Variants in PRKCI observed in about 807,000 individuals in gnomAD.
PRKCI encodes the protein protein kinase C iota type.
In PRKCI, 43 loss-of-function variants were observed where a neutral mutation model predicts 84.0. The ratio of observed to expected loss-of-function variants is 0.51; its 90% CI spans 0.40 to 0.66. PRKCI has a LOEUF of 0.66. Ranked by LOEUF, PRKCI falls within the 30% of genes least tolerant of loss-of-function variation. The pLI is 0.00. For missense variants in PRKCI, 459 were observed against 745.6 expected (o/e 0.62, Z 4.48); for synonymous variants, 216 against 234.4 (o/e 0.92, Z 0.72).
intron 9 of PRKCI, among the ~76,000 whole-genome samples, chr3:170,280,863 A>T (rs1265944012): frequency 6.6e-6 from 1 of 152,160 alleles, no homozygotes; most frequent in South Asian, 2.1e-4. Flanking sequence ...TTTCTTATAG[A>T]TGGTATAAGA....
At chr3:170,269,751 A>G (rs1184172190) in intron 5 of PRKCI, among the ~76,000 whole-genome samples, 1 of 152,154 alleles carries the variant, frequency 6.6e-6, no homozygotes, top group African/African-American at 2.4e-5. Context: ...GAGGTCCAGG[A>G]GTTTGAGACC....
At chr3:170,250,741 A>C (rs1733423752) in intron 2 of PRKCI, among the ~76,000 whole-genome samples, 1 of 152,186 alleles carries the variant, frequency 6.6e-6, no homozygotes, top group South Asian at 2.1e-4. Context: ...TTCATTTCAT[A>C]TGGTAACTGT....
intron 8 of PRKCI, among the ~76,000 whole-genome samples, chr3:170,277,866 C>T (rs758576588): frequency 6.6e-6 from 1 of 152,000 alleles, no homozygotes; most frequent in Non-Finnish European, 1.5e-5. Flanking sequence ...AACAGTTACT[C>T]CTTATGTAGA....
At chr3:170,302,970 C>T in intron 17 of PRKCI, 70 bp from the exon 18 acceptor site, 1 of 1,104,518 alleles carries the variant, frequency 9.1e-7, no homozygotes, top group Non-Finnish European at 1.3e-6. Flanking sequence ...GATTTTTAAT[C>T]TTATTTTACC....
chr3:170,247,227 T>C (rs1733308706), intron 2 of PRKCI, among the ~76,000 whole-genome samples: 1 of 151,968 alleles, frequency 6.6e-6, no homozygotes, highest in Admixed American at 6.5e-5. Flanking sequence ...TTTTTTAGTT[T>C]TTTTTTTAAA....
At chr3:170,281,567 A>T (rs1734252226) in intron 10 of PRKCI, 1 of 403,518 alleles carries the variant, frequency 2.5e-6, no homozygotes, top group African/African-American at 2.0e-5. Flanking sequence ...CTAGCATTTA[A>T]CAAGGAGGAA....
intron 8 of PRKCI, among the ~76,000 whole-genome samples, chr3:170,275,862 AT>A (rs547893545): frequency 1.1e-4 from 16 of 150,268 alleles, no homozygotes; most frequent in Non-Finnish European, 1.8e-4. Context: ...CTGTTTTTCA[AT>A]TTTTTATTTT....
intron 12 of PRKCI, among the ~76,000 whole-genome samples, chr3:170,288,192 C>T (rs1228095775): frequency 4.6e-5 from 7 of 151,360 alleles, no homozygotes; most frequent in Non-Finnish European, 8.8e-5. Context: ...CTTGCAGTGA[C>T]CCGAGATCGC....
chr3:170,286,454 C>A (rs1232542016), intron 12 of PRKCI, among the ~76,000 whole-genome samples: 1 of 138,702 alleles, frequency 7.2e-6, no homozygotes, highest in Non-Finnish European at 1.5e-5. Flanking sequence ...TATTACCCTT[C>A]ATACGAAGTG....
At chr3:170,250,492 A>G (rs1212638692) in intron 2 of PRKCI, among the ~76,000 whole-genome samples, 2 of 113,444 alleles carry the variant, frequency 1.8e-5, no homozygotes, top group Non-Finnish European at 3.3e-5. Context: ...TTTCCCCCCT[A>G]CCCCTTTCTC....
chr3:170,300,461 A>T (rs1734793438), intron 17 of PRKCI, among the ~76,000 whole-genome samples: 2 of 150,866 alleles, frequency 1.3e-5, no homozygotes, highest in Admixed American at 6.6e-5. Context: ...GACCTTCTTT[A>T]TTTTTTTCTA....
chr3:170,257,228 G>T (rs117719864), intron 2 of PRKCI, among the ~76,000 whole-genome samples: 2,384 of 152,330 alleles, frequency 0.016, 42 homozygotes, highest in East Asian at 0.086. Context: ...GGTGAACCTA[G>T]AGAATAGTGT....
At chr3:170,265,989 A>G (rs1371858667) in intron 4 of PRKCI, among the ~76,000 whole-genome samples, 1 of 152,162 alleles carries the variant, frequency 6.6e-6, no homozygotes, top group African/African-American at 2.4e-5. Context: ...GGTCTTTAGT[A>G]TCTTAATTTT....
intron 7 of PRKCI, among the ~76,000 whole-genome samples, chr3:170,274,857 C>T (rs921193478): frequency 2.6e-5 from 4 of 152,052 alleles, no homozygotes; most frequent in African/African-American, 9.6e-5. Flanking sequence ...ATCTCTATGT[C>T]TTAGTCATAC....
At position 170,222,501 on chromosome 3, in the gene PRKCI, C is replaced by G. The variant is rs983159791; in HGVS notation, c.-169C>G. On this transcript the variant is annotated 5_prime_UTR_variant, in exon 1 of 18. Coordinates refer to ENST00000295797, the MANE Select transcript of PRKCI (RefSeq NM_002740.6). ...GGCAGTGGGAGGAGCCGCGCGGTTC[C>G]GGCTGCTCCGGCGAGGCGACCCTTG... The G allele has an allele frequency of 3.1e-5, 17 of 543,760 alleles. No individual in the cohort carries two copies. In the South Asian group the frequency reaches 5.4e-4, roughly 17 times the overall value. The allele number at this position is 543,760 out of a possible 1,614,324, so 33.7% of individuals were successfully genotyped here. A position where few individuals can be genotyped will look rare whatever the true frequency, so the allele number is the denominator to read the frequency against.
chr3:170,262,836 T>TC (rs1389014421), intron 3 of PRKCI, among the ~76,000 whole-genome samples: 2 of 137,118 alleles, frequency 1.5e-5, no homozygotes, highest in African/African-American at 6.9e-5. Flanking sequence ...TTCTTTCTTT[T>TC]TTTTTTTTTT....
At chr3:170,242,834 C>T (rs1406781137) in intron 2 of PRKCI, among the ~76,000 whole-genome samples, 1 of 151,810 alleles carries the variant, frequency 6.6e-6, no homozygotes, top group Admixed American at 6.6e-5. Context: ...CCATGCCCGG[C>T]TAATTTTTGT....
chr3:170,234,106 A>C (rs118128176), intron 1 of PRKCI, among the ~76,000 whole-genome samples: 2,786 of 133,402 alleles, frequency 0.021, 41 homozygotes, highest in East Asian at 0.095. Flanking sequence ...TGATTGGTTC[A>C]CTGCAATCTC....
In PRKCI at chr3:170,259,968, G is replaced by T; in HGVS notation, c.224-1G>T. 1 of 1,588,470 alleles carries T rather than the reference G, an allele frequency of 6.3e-7. No homozygotes were observed. On this transcript the variant is annotated splice_acceptor_variant, in intron 2 of 17. Transcript: ENST00000295797. LOFTEE classifies it high-confidence loss of function. ...CTTTACTTTACTTTTGTGTTTTTTAGGAGACCCGTGTACAGTATCATCTCA... is the reference window on the plus strand; with the variant it reads ...CTTTACTTTACTTTTGTGTTTTTTATGAGACCCGTGTACAGTATCATCTCA...
Sources: allele counts gnomAD v4.1 joint callset (sites outside exome capture counted in the v4.1 genomes callset), GRCh38; gene constraint gnomAD v4.1.1; transcripts MANE v1.5; gene names NCBI Gene and HGNC (gene_info 2026-07-23, HGNC 2026-07-21).